The following CCNE2 variants were observed in gnomAD, a reference collection of about 807,000 sequenced individuals.
CCNE2 encodes cyclin E2, also known as G1/S-specific cyclin-E2.
In CCNE2, 18 loss-of-function variants were observed where a neutral mutation model predicts 56.8. The ratio of observed to expected loss-of-function variants is 0.32; its 90% CI spans 0.22 to 0.47. The LOEUF is 0.47. Ranked by LOEUF, CCNE2 falls within the 20% of genes least tolerant of loss-of-function variation. The pLI is 1.00. For missense variants in CCNE2, 371 were observed against 467.1 expected (o/e 0.79, Z 1.90); for synonymous variants, 139 against 149.2 (o/e 0.93, Z 0.50).
upstream of CCNE2, chr8:94,896,602 C>T (rs1020619678): frequency 6.6e-6 from 1 of 152,006 alleles, no homozygotes; most frequent in African/African-American, 2.4e-5. Context: ...CGCGGTAGCT[C>T]GGGCGGGCCG....
chr8:94,884,762 T>A (rs1198210756), intron 9 of CCNE2: 1 of 222,738 alleles, frequency 4.5e-6, no homozygotes, highest in Non-Finnish European at 9.0e-6. Context: ...AATAATTCTA[T>A]GCCATTATAA....
rs1247096443 is a variant in CCNE2, at chr8:94,883,230, C to T, written c.832-338G>A. On this transcript the variant is annotated intron_variant, in intron 9 of 11. Transcript: ENST00000308108. ...TGCAGAGCTTGCAGTGAGCAGAGAT[C>T]GCGCCACTGCACTCCAGCCTGGGCG... Among the ~76,000 whole-genome samples the T allele has an allele frequency of 1.9e-4, 29 of 151,194 alleles. 1 individual carries two copies. Among genetic ancestry groups the T allele is most frequent in the African/African-American group, 9.7e-5 (4 of 41,110 alleles).
Position 94,890,312 on chromosome 8 carries a change from G to T in CCNE2, c.453+103C>A, listed in dbSNP as rs968946271. The stretch of plus-strand genomic sequence containing the variant: ...AGTACCTCAAAAAAGACAGCTTCCT[G>T]GGGATGAACAATAAACTCTTGAGAG... On this transcript the variant is annotated intron_variant, in intron 6 of 11. Transcript: ENST00000308108. 6.3e-6 allele frequency: 6 copies of T among 956,628 alleles called. No homozygotes were observed. In the Admixed American group the frequency reaches 1.5e-4, roughly 24 times the overall value. The allele number at this position is 956,628 out of a possible 1,614,324, so 59.3% of individuals were successfully genotyped here. A position where few individuals can be genotyped will look rare whatever the true frequency, so the allele number is the denominator to read the frequency against.
At chr8:94,884,938 A>G in intron 9 of CCNE2, 129 bp downstream of exon 9, 2 of 773,624 alleles carry the variant, frequency 2.6e-6, no homozygotes, top group Non-Finnish European at 4.0e-6. Context: ...TTTATGCGTC[A>G]AAAGTTTTGT....
chr8:94,883,170 G>A (rs1231776478), intron 9 of CCNE2, among the ~76,000 whole-genome samples: 4 of 152,040 alleles, frequency 2.6e-5, no homozygotes, highest in African/African-American at 7.2e-5. Flanking sequence ...CAGCTACTCG[G>A]GAGGCTGAGG....
rs1358020037 is a variant in CCNE2 at position 94,893,877 on chromosome 8, C to T, written c.165+14G>A. ...ATTTTTCCCCCAAACCCACCCAGCC[C>T]AGTTCTGCATTACCCTAATTTCATA... is the stretch of plus-strand genomic sequence containing the variant. On this transcript the variant is annotated intron_variant, in intron 4 of 11. Transcript: ENST00000308108. 1 of 1,612,248 alleles carries T rather than the reference C, an allele frequency of 6.2e-7. No homozygotes were observed. The highest frequency in any genetic ancestry group is 1.1e-5 in the South Asian group (1 of 91,010).
chr8:94,881,390 A>G lies in CCNE2; in HGVS notation c.*242T>C. ...GACTGTGGTTGGCTTCTATCCAGTA[A>G]CCTTGGGAATGAAGACATCTTTGTA... On this transcript the variant is annotated 3_prime_UTR_variant, in exon 12 of 12. Transcript: ENST00000308108. 3.8e-6 allele frequency: 2 copies of G among 524,984 alleles called. No individual in the cohort carries two copies. The highest frequency in any genetic ancestry group is 3.1e-5 in the East Asian group (1 of 32,266). 32.5% of individuals were successfully genotyped at this position (524,984 alleles called of 1,614,324 possible).
At chr8:94,885,306 ATTGTCAATATTT>A (rs1816994753) in intron 8 of CCNE2, 105 bp from the exon 9 acceptor site, 2 of 1,195,020 alleles carry the variant, frequency 1.7e-6, no homozygotes, top group African/African-American at 3.0e-5. Flanking sequence ...AACCATAACC[ATTGTCAATATTT>A]TGATGCATTA....
chr8:94,891,315 G>A (rs972459068), intron 5 of CCNE2: 3 of 229,164 alleles, frequency 1.3e-5, no homozygotes, highest in Admixed American at 8.0e-5. Flanking sequence ...TGTGTTCACT[G>A]TAAGAACACT....
intron 10 of CCNE2, 43 bp from the exon 11 acceptor site, chr8:94,882,332 A>G (rs373041033): frequency 9.6e-6 from 14 of 1,457,048 alleles, no homozygotes; most frequent in Non-Finnish European, 1.3e-5. Context: ...AAGGTTGTAC[A>G]TCAGAAACTA....
intron 11 of CCNE2, 68 bp from the exon 12 acceptor site, chr8:94,881,813 T>C (rs372381363): frequency 9.5e-6 from 15 of 1,586,706 alleles, no homozygotes; most frequent in East Asian, 4.5e-5. Flanking sequence ...TGGGTACTTA[T>C]TTGAGATTAT....
chr8:94,892,689 A>G, intron 5 of CCNE2, 129 bp downstream of exon 5: 1 of 517,530 alleles, frequency 1.9e-6, no homozygotes, highest in Non-Finnish European at 3.3e-6. Context: ...AAAATGACAT[A>G]TGATTAAATA....
chr8:94,880,582 T>C lies in CCNE2; in HGVS notation c.*1050A>G. 1 of 332,128 alleles carries C rather than the reference T, an allele frequency of 3.0e-6. No homozygotes were observed. The highest frequency in any genetic ancestry group is 5.3e-6 in the Non-Finnish European group (1 of 187,058). The allele number at this position is 332,128 out of a possible 1,614,324, so 20.6% of individuals were successfully genotyped here. ...ATGTACAGCAAGTTTTCATGTCTTT[T>C]TTTAATAAATAGATTTCTAGGAGTC... is the stretch of plus-strand genomic sequence containing the variant. On this transcript the variant is annotated 3_prime_UTR_variant, in exon 12 of 12. Coordinates refer to ENST00000308108, the MANE Select transcript of CCNE2 (RefSeq NM_057749.3).
chr8:94,888,541 G>GTT (rs1393623284), intron 6 of CCNE2, among the ~76,000 whole-genome samples: 12 of 144,122 alleles, frequency 8.3e-5, no homozygotes, highest in Non-Finnish European at 1.2e-4. Context: ...ATATACCAGA[G>GTT]TTTTTTTTTT....
chr8:94,891,909 G>A (rs1466304899), intron 5 of CCNE2: 2 of 1,333,740 alleles, frequency 1.5e-6, no homozygotes, highest in East Asian at 2.4e-5. Context: ...ATCTCCAAGT[G>A]AACAAAGCAC....
At position 94,892,820 on chromosome 8, in the gene CCNE2, TAAATC is replaced by T. The variant is rs1817294135; in HGVS notation, c.310_314del (p.Asp104LysfsTer22). 3 of 1,390,080 alleles carry T rather than the reference TAAATC, an allele frequency of 2.2e-6. No homozygotes were observed. The highest frequency in any genetic ancestry group is 2.9e-6 in the Non-Finnish European group (3 of 1,028,934). The allele number at this position is 1,390,080 out of a possible 1,614,324, so 86.1% of individuals were successfully genotyped here. A position where few individuals can be genotyped will look rare whatever the true frequency, so the allele number is the denominator to read the frequency against. On this transcript the variant is annotated frameshift_variant, in exon 5 of 12. Transcript: ENST00000308108. LOFTEE classifies it high-confidence loss of function. Reference sequence around the variant, plus strand: ...AAAATTACTGAAATTTTTCTTACCTTAAATCAGGCAAAGGTGAAGGATTAATAAAA... The same window carrying T: ...AAAATTACTGAAATTTTTCTTACCTTAGGCAAAGGTGAAGGATTAATAAAA...
intron 5 of CCNE2, 124 bp from the exon 6 acceptor site, chr8:94,890,674 T>G (rs547484526): frequency 0.017 from 3,995 of 229,330 alleles, 76 homozygotes; most frequent in African/African-American, 0.025. Flanking sequence ...CTCACTGTAA[T>G]CTCCACCTCC....
chr8:94,883,954 T>C (rs1247030957), intron 9 of CCNE2: 1 of 455,652 alleles, frequency 2.2e-6, no homozygotes, highest in East Asian at 6.9e-5. Flanking sequence ...TACTGTTATA[T>C]ACCTCTAGAA....
At chr8:94,884,978 C>A in intron 9 of CCNE2, 89 bp downstream of exon 9, 2 of 1,152,846 alleles carry the variant, frequency 1.7e-6, no homozygotes, top group East Asian at 2.4e-5. Flanking sequence ...GTCAATATGT[C>A]ATTTTGTGGT....
Sources: gnomAD v4.1 joint callset for allele counts (sites outside exome capture counted in the v4.1 genomes callset) on GRCh38, gnomAD v4.1.1 for gene constraint, MANE v1.5 for transcripts, NCBI Gene and HGNC (gene_info 2026-07-23, HGNC 2026-07-21) for gene names.